The following SMUG1 variants were observed in gnomAD, a reference collection of about 807,000 sequenced individuals.
The protein encoded by SMUG1 is single-strand-selective monofunctional uracil-DNA glycosylase 1.
SMUG1 carries 13 observed loss-of-function variants against 23.9 expected under a neutral mutation model. The ratio of observed to expected loss-of-function variants is 0.54; its 90% CI spans 0.35 to 0.86. The LOEUF is 0.86. Ranked by LOEUF, SMUG1 falls within the 40% of genes least tolerant of loss-of-function variation. SMUG1 has a pLI of 0.01. For synonymous variants in SMUG1, 133 were observed against 139.8 expected (o/e 0.95, Z 0.34); for missense variants, 313 against 339.5 (o/e 0.92, Z 0.61).
chr12:54,177,402 T>C (rs1002632676), downstream of SMUG1, among the ~76,000 whole-genome samples: 1 of 152,224 alleles, frequency 6.6e-6, no homozygotes, highest in Non-Finnish European at 1.5e-5. Context: ...TCTGTGATAA[T>C]GGAAATGTTC....
At chr12:54,166,986 G>C (rs1353841927) in intron 3 of SMUG1, among the ~76,000 whole-genome samples, 1 of 152,174 alleles carries the variant, frequency 6.6e-6, no homozygotes, top group Non-Finnish European at 1.5e-5. Flanking sequence ...TCTGGCAAGC[G>C]CTGGAGATAT....
intron 1 of SMUG1, among the ~76,000 whole-genome samples, chr12:54,188,301 T>TAATA (rs1592436461): frequency 1.9e-3 from 223 of 116,638 alleles, no homozygotes; most frequent in East Asian, 0.011. Flanking sequence ...TAATAAATAA[T>TAATA]AATAATAATA....
downstream of SMUG1, chr12:54,163,081 G>A (rs573404355): frequency 6.6e-6 from 1 of 152,388 alleles, no homozygotes; most frequent in East Asian, 1.9e-4. Context: ...TAGGGCAAGT[G>A]GCCTACCAGA....
chr12:54,180,177 T>C (rs1565807994), downstream of SMUG1, among the ~76,000 whole-genome samples: 1 of 152,196 alleles, frequency 6.6e-6, no homozygotes, highest in Non-Finnish European at 1.5e-5. Flanking sequence ...ATGGTCAGCC[T>C]CCATCCTCAG....
chr12:54,178,762 C>G (rs1940813338), downstream of SMUG1, among the ~76,000 whole-genome samples: 1 of 152,220 alleles, frequency 6.6e-6, no homozygotes, highest in African/African-American at 2.4e-5. Flanking sequence ...CAATAGGAAT[C>G]TACTTGTGTG....
At chr12:54,175,339 G>A (rs1472471799) in intron 2 of SMUG1, among the ~76,000 whole-genome samples, 1 of 152,198 alleles carries the variant, frequency 6.6e-6, no homozygotes, top group Non-Finnish European at 1.5e-5. Context: ...TAACAGATGT[G>A]TTCTGAAAGG....
At chr12:54,176,538 G>A (rs1030927068), downstream of SMUG1, among the ~76,000 whole-genome samples, 3 of 131,266 alleles carry the variant, frequency 2.3e-5, no homozygotes, top group Admixed American at 2.6e-4. Flanking sequence ...CGGGCACGGT[G>A]GCTCATGCCT....
Position 54,182,142 on chromosome 12 carries a change from T to C in SMUG1, c.767A>G (p.Lys256Arg). 6.3e-7 allele frequency: 1 copy of C among 1,578,440 alleles called. No homozygotes were observed. Among genetic ancestry groups the C allele is most frequent in the Middle Eastern group, 1.7e-4 (1 of 5,760 alleles). ...CAGCCCCAGCTCATTCAATCTTTCC[T>C]TGGCCACTGCCTCCCAGCCCTTGTT... ...QANKGWEAVA[K>R]ERLNELGLLP... is the part of the protein sequence containing the mutation. Residue 256 changes from lysine to arginine, a missense_variant, in exon 4 of 4, where the codon AAG (lysine) becomes AGG (arginine). Coordinates refer to ENST00000682136, the MANE Select transcript of SMUG1 (RefSeq NM_001243787.2).
At chr12:54,178,937 G>A (rs995337975), downstream of SMUG1, among the ~76,000 whole-genome samples, 3 of 152,130 alleles carry the variant, frequency 2.0e-5, no homozygotes, top group African/African-American at 4.8e-5. Flanking sequence ...CTGCTAGGGC[G>A]GCTAGAAAAA....
At chr12:54,170,148 A>C (rs1940578765) in intron 3 of SMUG1, among the ~76,000 whole-genome samples, 1 of 151,674 alleles carries the variant, frequency 6.6e-6, no homozygotes, top group South Asian at 2.1e-4. Context: ...CGGTCCGGCG[A>C]GATCGCGCCA....
intron 1 of SMUG1, among the ~76,000 whole-genome samples, chr12:54,188,209 CCCCTGT>C (rs1942906569): frequency 6.6e-6 from 1 of 150,938 alleles, no homozygotes; most frequent in African/African-American, 2.4e-5. Flanking sequence ...CATATGCACT[CCCCTGT>C]CCTTTGGAGG....
rs1383567055 is a variant in SMUG1 at position 54,182,219 on chromosome 12, T to G, written c.690A>C (p.Pro230=). 1 of 1,612,240 alleles carries G rather than the reference T, an allele frequency of 6.2e-7. No homozygotes were observed. The highest frequency in any genetic ancestry group is 1.7e-5 in the Admixed American group (1 of 59,912). Residue 230 remains proline, a synonymous_variant, in exon 4 of 4, where the codon CCA becomes CCC. Transcript: ENST00000682136. ...RARRALAGLM[P]EVQVEGLLHP... ...GCAGGAGCCCTTCCACCTGGACCTCTGGCATCAGGCCTGCCAGAGCCCGTC... is the reference window on the plus strand; with the variant it reads ...GCAGGAGCCCTTCCACCTGGACCTCGGGCATCAGGCCTGCCAGAGCCCGTC...
At chr12:54,184,152 C>G (rs1941790391) in intron 2 of SMUG1, 193 bp from the exon 3 acceptor site, 1 of 466,234 alleles carries the variant, frequency 2.1e-6, no homozygotes, top group African/African-American at 2.0e-5. Context: ...TTTCCCTCCC[C>G]ACTTCCATTA....
intron 3 of SMUG1, among the ~76,000 whole-genome samples, chr12:54,168,902 G>A (rs1394084579): frequency 6.6e-6 from 1 of 152,144 alleles, no homozygotes; most frequent in Non-Finnish European, 1.5e-5. Flanking sequence ...AAGGAACCAG[G>A]GAAGATGGAA....
At chr12:54,160,452 G>A (rs1940213592), downstream of SMUG1, among the ~76,000 whole-genome samples, 2 of 152,182 alleles carry the variant, frequency 1.3e-5, no homozygotes, top group African/African-American at 4.8e-5. Flanking sequence ...CCTGCTATAG[G>A]CAGGCATGGT....
intron 2 of SMUG1, chr12:54,175,173 A>C (rs2136551239): frequency 6.6e-6 from 1 of 152,338 alleles, no homozygotes; most frequent in South Asian, 2.1e-4. Flanking sequence ...CAGAGTCAAC[A>C]CTTAGTCTGG....
chr12:54,158,795 G>A (rs1940129484), intron 4 of SMUG1, among the ~76,000 whole-genome samples: 1 of 151,904 alleles, frequency 6.6e-6, no homozygotes, highest in South Asian at 2.1e-4. Flanking sequence ...TTTGCCACGA[G>A]CCACCCACCA....
chr12:54,166,297 G>A (rs1269615203), intron 3 of SMUG1, among the ~76,000 whole-genome samples: 2 of 152,202 alleles, frequency 1.3e-5, no homozygotes, highest in East Asian at 3.8e-4. Context: ...GGAGGCAGAG[G>A]TTGCAGTGAG....
chr12:54,175,094 C>A (rs1420872371), intron 2 of SMUG1: 3 of 152,178 alleles, frequency 2.0e-5, no homozygotes, highest in Non-Finnish European at 4.4e-5. Flanking sequence ...AGTTGAAGTT[C>A]TTTACTTCTC....
Sources: gnomAD v4.1 joint callset for allele counts (sites outside exome capture counted in the v4.1 genomes callset) on GRCh38, gnomAD v4.1.1 for gene constraint, MANE v1.5 for transcripts, NCBI Gene and HGNC (gene_info 2026-07-23, HGNC 2026-07-21) for gene names.